Variants in SHANK2 observed in about 807,000 individuals in gnomAD.
SHANK2 encodes SH3 and multiple ankyrin repeat domains protein 2.
A neutral mutation model predicts 133.7 loss-of-function variants in SHANK2; 43 were observed. The ratio of observed to expected loss-of-function variants is 0.32; its 90% CI spans 0.25 to 0.41. SHANK2 has a LOEUF of 0.41. Ranked by LOEUF, SHANK2 falls within the 10% of genes least tolerant of loss-of-function variation. The pLI is 1.00. For synonymous variants in SHANK2, 1,017 were observed against 952.8 expected (o/e 1.07, Z -1.24); for missense variants, 1,994 against 2,235.8 (o/e 0.89, Z 2.18).
chr11:70,559,940 C>G (rs562640298), intron 17 of SHANK2, among the ~76,000 whole-genome samples: 37 of 152,222 alleles, frequency 2.4e-4, no homozygotes, highest in African/African-American at 8.4e-4. Context: ...GGCGTGATCT[C>G]AGCTCACTGC....
intron 2 of SHANK2, among the ~76,000 whole-genome samples, chr11:71,157,911 A>T (rs1952934092): frequency 6.6e-6 from 1 of 152,174 alleles, no homozygotes; most frequent in South Asian, 2.1e-4. Flanking sequence ...CCCTCCTGGG[A>T]CACTGCCCCT....
intron 2 of SHANK2, among the ~76,000 whole-genome samples, chr11:71,184,161 C>A (rs1953625538): frequency 6.6e-6 from 1 of 152,172 alleles, no homozygotes; most frequent in African/African-American, 2.4e-5. Flanking sequence ...CCCAGGCACC[C>A]ACCTGTCACT....
chr11:71,252,805 G>T (rs373750267), upstream of SHANK2, among the ~76,000 whole-genome samples: 221 of 151,920 alleles, frequency 1.5e-3, 4 homozygotes, highest in East Asian at 0.039. This position sits in a 1 kb window ranked among gnomAD's most constrained non-coding sequence, Gnocchi z 6.3. Context: ...AGACCGCGGG[G>T]CGCCCTGGCC....
intron 14 of SHANK2, among the ~76,000 whole-genome samples, chr11:70,785,152 C>T (rs1565314348): frequency 6.6e-6 from 1 of 152,272 alleles, no homozygotes; most frequent in South Asian, 2.1e-4. Context: ...CCGGGAGGAC[C>T]CAGGCTATGG....
chr11:70,621,854 G>C (rs1450705186), intron 17 of SHANK2, among the ~76,000 whole-genome samples: 2 of 152,140 alleles, frequency 1.3e-5, no homozygotes, highest in Non-Finnish European at 2.9e-5. Context: ...TGGCAGAGGT[G>C]ATCAAGTGTG....
chr11:70,808,125 G>A (rs1948202554), intron 12 of SHANK2, among the ~76,000 whole-genome samples: 3 of 152,144 alleles, frequency 2.0e-5, no homozygotes, highest in Admixed American at 2.0e-4. Context: ...TCCACTGAAC[G>A]CCACTGAACT....
At chr11:70,954,411 A>G (rs994256419) in intron 10 of SHANK2, among the ~76,000 whole-genome samples, 1 of 152,250 alleles carries the variant, frequency 6.6e-6, no homozygotes, top group Non-Finnish European at 1.5e-5. Flanking sequence ...CCACTGGCAG[A>G]GTGCTCTGGC....
At chr11:70,614,322 T>G (rs1336023080) in intron 17 of SHANK2, among the ~76,000 whole-genome samples, 2 of 151,544 alleles carry the variant, frequency 1.3e-5, no homozygotes, top group African/African-American at 2.4e-5. Context: ...GTTTTGTTTT[T>G]TTTTTTGAGA....
intron 14 of SHANK2, among the ~76,000 whole-genome samples, chr11:70,717,283 T>C (rs1171273465): frequency 1.3e-5 from 2 of 152,148 alleles, no homozygotes; most frequent in Non-Finnish European, 2.9e-5. Flanking sequence ...GACCTCCCTT[T>C]GAGGTTAACC....
At chr11:71,242,799 G>T (rs1352074859) in intron 1 of SHANK2, among the ~76,000 whole-genome samples, 1 of 152,204 alleles carries the variant, frequency 6.6e-6, no homozygotes, top group African/African-American at 2.4e-5. Context: ...AGGGCACGTG[G>T]AACATTCTCC....
chr11:70,681,220 G>A (rs1030459153), intron 15 of SHANK2, among the ~76,000 whole-genome samples: 5 of 152,152 alleles, frequency 3.3e-5, no homozygotes, highest in Non-Finnish European at 7.3e-5. Flanking sequence ...GCTGCTCAGC[G>A]TGGGGTCCCT....
intron 17 of SHANK2, among the ~76,000 whole-genome samples, chr11:70,556,647 A>C (rs2136108060): frequency 6.8e-6 from 1 of 147,056 alleles, no homozygotes; most frequent in Non-Finnish European, 1.5e-5. Flanking sequence ...GCTGGAGTGC[A>C]GTGGTGTGAA....
intron 8 of SHANK2, among the ~76,000 whole-genome samples, chr11:71,084,128 T>C (rs1489676909): frequency 6.6e-6 from 1 of 151,986 alleles, no homozygotes; most frequent in Non-Finnish European, 1.5e-5. Context: ...AGCCATCACT[T>C]GCTGCTAATT....
intron 17 of SHANK2, among the ~76,000 whole-genome samples, chr11:70,578,289 C>G (rs2060141787): frequency 6.6e-6 from 1 of 152,192 alleles, no homozygotes; most frequent in African/African-American, 2.4e-5. Context: ...CTGCAAGAAA[C>G]AGAGACTCCT....
chr11:71,223,415 T>C (rs1366899569), intron 2 of SHANK2, among the ~76,000 whole-genome samples: 2 of 152,264 alleles, frequency 1.3e-5, no homozygotes, highest in African/African-American at 2.4e-5. Context: ...TATTTTTTAG[T>C]TGCATCTGTA....
At chr11:70,809,346 T>A (rs974757212) in intron 12 of SHANK2, among the ~76,000 whole-genome samples, 2 of 152,296 alleles carry the variant, frequency 1.3e-5, no homozygotes, top group South Asian at 4.1e-4. Context: ...GAAGGGCCCA[T>A]GCACACAGGG....
chr11:70,735,540 T>C (rs138466831), intron 14 of SHANK2, among the ~76,000 whole-genome samples: 4 of 152,152 alleles, frequency 2.6e-5, no homozygotes, highest in African/African-American at 9.6e-5. Flanking sequence ...CCCATCTGTA[T>C]TAAAGATACA....
intron 11 of SHANK2, among the ~76,000 whole-genome samples, chr11:70,886,784 A>G (rs1949753365): frequency 6.6e-6 from 1 of 152,104 alleles, no homozygotes; most frequent in Non-Finnish European, 1.5e-5. Context: ...TCATCTATAC[A>G]TATCTAAAGC....
At position 70,734,814 on chromosome 11, in the gene SHANK2, C is replaced by A. The variant is rs376376436; in HGVS notation, c.1778-36051G>T. Among the ~76,000 whole-genome samples, 42 of 152,324 alleles carry A rather than the reference C, an allele frequency of 2.8e-4. No homozygotes were observed. In the East Asian group the frequency reaches 5.0e-3, roughly 18 times the overall value. The stretch of plus-strand genomic sequence containing the variant: ...CCCCGAGGGCCTACCCAGCAACCAC[C>A]TGAGCGATGAGGACCCTTGGGGACG... On this transcript the variant is annotated intron_variant, in intron 14 of 25. Transcript: ENST00000601538.
Sources: allele counts gnomAD v4.1 joint callset (sites outside exome capture counted in the v4.1 genomes callset), GRCh38; gene constraint gnomAD v4.1.1; non-coding constraint Gnocchi (gnomAD v3.1); transcripts MANE v1.5; gene names NCBI Gene and HGNC (gene_info 2026-07-23, HGNC 2026-07-21).